Variants in MORC4 observed in about 807,000 individuals in gnomAD.
MORC4 encodes MORC family CW-type zinc finger protein 4.
MORC4 carries 22 observed loss-of-function variants against 65.5 expected under a neutral mutation model. The ratio of observed to expected loss-of-function variants is 0.34; its 90% CI spans 0.24 to 0.48. The LOEUF (loss-of-function observed/expected upper bound fraction) is 0.48. MORC4 is among the 20% of genes least tolerant of loss of function. MORC4 has a pLI of 0.99. For synonymous variants in MORC4, 267 were observed against 255.8 expected, an observed-to-expected ratio of 1.04 and a Z score of -0.42; for missense variants, 624 against 703.0, an observed-to-expected ratio of 0.89 and a Z score of 1.27.
chrX:107,000,196 C>G lies in MORC4; in HGVS notation c.-227G>C, dbSNP rs1935158937. On this transcript the variant is annotated 5_prime_UTR_variant, in exon 1 of 17. Transcript: ENST00000355610. ...CGGCGGCTCCGCCCTGTCAGCACCT[C>G]TACCGACCCGGCGACTGCCCGGGCT... 1 of 124,068 alleles carries G rather than the reference C, an allele frequency of 8.1e-6. No homozygotes were observed. The highest frequency in any genetic ancestry group is 3.2e-5 in the African/African-American group (1 of 31,347). 10.2% of individuals were successfully genotyped at this position (124,068 alleles called of 1,213,427 possible).
At chrX:106,947,452 C>T (rs1278793069) in intron 14 of MORC4, among the ~76,000 whole-genome samples, 18 of 104,164 alleles carry the variant, frequency 1.7e-4, no homozygotes, top group African/African-American at 6.3e-4. Context: ...AAGTCTCCAA[C>T]TATTATTGTT....
chrX:106,993,519 A>C (rs1420549569), intron 2 of MORC4, among the ~76,000 whole-genome samples, 157 bp from the exon 3 acceptor site: 2 of 112,264 alleles, frequency 1.8e-5, no homozygotes, highest in Admixed American at 1.9e-4. Flanking sequence ...TGCACTTACT[A>C]AATTATAGAG....
At chrX:106,967,937 C>T (rs1934413318) in intron 9 of MORC4, among the ~76,000 whole-genome samples, 1 of 111,484 alleles carries the variant, frequency 9.0e-6, no homozygotes, top group Non-Finnish European at 1.9e-5. Context: ...AAAGACAGGC[C>T]AACATTCAAA....
At chrX:106,959,730 G>A (rs2147810159) in intron 10 of MORC4, among the ~76,000 whole-genome samples, 1 of 110,963 alleles carries the variant, frequency 9.0e-6, no homozygotes, top group East Asian at 2.8e-4. Flanking sequence ...GGTAGAGATG[G>A]GGTTTCACCA....
chrX:106,998,388 A>T (rs1008581561), intron 2 of MORC4, among the ~76,000 whole-genome samples: 4 of 112,119 alleles, frequency 3.6e-5, no homozygotes, highest in African/African-American at 1.3e-4. Flanking sequence ...CCAAAATTAC[A>T]AATTGGAAAC....
chrX:106,971,030 A>G (rs765051473), intron 9 of MORC4, among the ~76,000 whole-genome samples: 1 of 111,951 alleles, frequency 8.9e-6, no homozygotes, highest in East Asian at 2.8e-4. Context: ...CAAGAAGAAC[A>G]AAGCTGGAGG....
chrX:106,954,771 T>C, intron 14 of MORC4, 142 bp downstream of exon 14: 2 of 546,988 alleles, frequency 3.7e-6, no homozygotes, highest in Non-Finnish European at 5.9e-6. Context: ...CACAATTCTA[T>C]CAACTTAAAA....
chrX:106,995,205 G>C (rs1935054622), intron 2 of MORC4, among the ~76,000 whole-genome samples: 1 of 98,778 alleles, frequency 1.0e-5, no homozygotes, highest in South Asian at 5.5e-4. Context: ...TAAGCTTATT[G>C]CAGTAACCTC....
At position 106,947,634 on chromosome X, in the gene MORC4, A is replaced by C. The variant is rs189727990; in HGVS notation, c.1686-4429T>G. Among the ~76,000 whole-genome samples, 429 of 99,651 alleles carry C rather than the reference A, an allele frequency of 4.3e-3. 7 individuals carry two copies. The highest frequency in any genetic ancestry group is 0.015 in the African/African-American group (399 of 27,452). The allele number at this position is 99,651 out of a possible 115,157, so 86.5% of individuals were successfully genotyped here. On this transcript the variant is annotated intron_variant, in intron 14 of 16. Transcript: ENST00000355610. ...ACACACTTTAGATGCAAAGATACAG[A>C]TAGGTTGGAAGTAAAAGGATTGAAA...
intron 4 of MORC4, 114 bp downstream of exon 4, chrX:106,985,869 T>C: frequency 1.7e-6 from 1 of 581,858 alleles, no homozygotes. Flanking sequence ...TTAAGACATT[T>C]GAATACCTCT....
At position 106,946,587 on chromosome X, in the gene MORC4, T is replaced by C. The variant is rs763081887; in HGVS notation, c.1686-3382A>G. Among the ~76,000 whole-genome samples the C allele has an allele frequency of 1.4e-3, 163 of 112,579 alleles. 12 individuals carry two copies. The highest frequency in any genetic ancestry group is 3.6e-4 in the Non-Finnish European group (19 of 53,323). ...TTGGCTACCATAAATGATGCTGCTATGAACATTAGCATACAAGTTTTTATA... is the reference window on the plus strand; with the variant it reads ...TTGGCTACCATAAATGATGCTGCTACGAACATTAGCATACAAGTTTTTATA... On this transcript the variant is annotated intron_variant, in intron 14 of 16. Coordinates refer to ENST00000355610, the MANE Select transcript of MORC4 (RefSeq NM_024657.5).
chrX:106,981,507 C>A, intron 5 of MORC4, 30 bp from the exon 6 acceptor site: 1 of 1,131,114 alleles, frequency 8.8e-7, no homozygotes, highest in South Asian at 2.3e-5. Context: ...ACCAATCTAA[C>A]AAAAACTGGC....
At chrX:106,960,865 G>A (rs958103107) in intron 10 of MORC4, among the ~76,000 whole-genome samples, 1 of 112,068 alleles carries the variant, frequency 8.9e-6, no homozygotes, top group Non-Finnish European at 1.9e-5. Flanking sequence ...GGTTGCATTA[G>A]AAATAAAATT....
In MORC4 at chrX:106,942,151, A is replaced by G. The variant is rs1222056988; in HGVS notation, c.2447T>C (p.Ile816Thr). 8.3e-7 allele frequency: 1 copy of G among 1,211,093 alleles called. No homozygotes were observed. The change falls in exon 16 of 17, where the codon ATC becomes ACC. Residue 816 changes from isoleucine to threonine, a missense_variant. Physicochemically the swap from Ile to Thr is moderately conservative, Grantham distance 89 (BLOSUM62 -1). Transcript: ENST00000355610. ...EFKKVQHELV[I>T]YSTQEAEGLY... ...GCCTTCCGCCTCCTGGGTACTGTAGATCACCAATTCATGTTGGACTTTCTT... is the reference window on the plus strand; with the variant it reads ...GCCTTCCGCCTCCTGGGTACTGTAGGTCACCAATTCATGTTGGACTTTCTT...
At chrX:106,991,442 G>C (rs1934981176) in intron 3 of MORC4, among the ~76,000 whole-genome samples, 1 of 112,382 alleles carries the variant, frequency 8.9e-6, no homozygotes, top group South Asian at 3.7e-4. Flanking sequence ...AACAAAAATT[G>C]TGGCAATTAT....
intron 13 of MORC4, among the ~76,000 whole-genome samples, 160 bp downstream of exon 13, chrX:106,956,320 C>A (rs1207427350): frequency 1.8e-5 from 2 of 112,127 alleles, no homozygotes; most frequent in Non-Finnish European, 3.8e-5. Context: ...TCAGTGACAG[C>A]AGAGCAAAGC....
chrX:106,971,827 G>A (rs1411918627), intron 9 of MORC4, among the ~76,000 whole-genome samples: 3 of 112,256 alleles, frequency 2.7e-5, no homozygotes, highest in East Asian at 5.6e-4. Context: ...AACAGATGCT[G>A]GAGAGGTTAT....
chrX:106,956,853 C>T, intron 12 of MORC4, 83 bp downstream of exon 12: 2 of 747,107 alleles, frequency 2.7e-6, no homozygotes, highest in Non-Finnish European at 4.0e-6. Flanking sequence ...AAAAAATTCT[C>T]TCTTCTCAAA....
chrX:106,951,532 G>A (rs907915493), intron 14 of MORC4, among the ~76,000 whole-genome samples: 20 of 110,324 alleles, frequency 1.8e-4, no homozygotes, highest in African/African-American at 6.0e-4. Flanking sequence ...CACCACACCT[G>A]GCTAATTTTT....
Sources: allele counts gnomAD v4.1 joint callset (sites outside exome capture counted in the v4.1 genomes callset), GRCh38; gene constraint gnomAD v4.1.1; transcripts MANE v1.5; gene names NCBI Gene and HGNC (gene_info 2026-07-23, HGNC 2026-07-21).